The following CENPP variants were observed in gnomAD, a reference collection of about 807,000 sequenced individuals.
CENPP encodes centromere protein P.
A neutral mutation model predicts 35.6 loss-of-function variants in CENPP; 24 were observed. That is an observed-to-expected ratio of 0.67 (90% CI 0.49 to 0.95). The LOEUF (loss-of-function observed/expected upper bound fraction) is 0.95. Ranked by LOEUF, CENPP falls within the 40% of genes least tolerant of loss-of-function variation. The pLI, the probability that CENPP is intolerant of heterozygous loss-of-function variation, is 0.00. For missense variants in CENPP, 332 were observed against 345.3 expected (o/e 0.96, Z 0.31); for synonymous variants, 120 against 125.5 (o/e 0.96, Z 0.29).
At chr9:92,346,571 A>T (rs1307001928) in intron 4 of CENPP, among the ~76,000 whole-genome samples, 3 of 152,206 alleles carry the variant, frequency 2.0e-5, no homozygotes, top group African/African-American at 7.2e-5. Context: ...TCCCAGGACC[A>T]AGTGAAACTA....
At chr9:92,565,329 A>G in intron 5 of CENPP, among the ~76,000 whole-genome samples, 1 of 149,168 alleles carries the variant, frequency 6.7e-6, no homozygotes, top group Non-Finnish European at 1.5e-5. Context: ...AAAAATCATA[A>G]TGTTTTAAGA....
At chr9:92,328,889 A>G (rs1425602068) in intron 1 of CENPP, among the ~76,000 whole-genome samples, 1 of 152,224 alleles carries the variant, frequency 6.6e-6, no homozygotes, top group Non-Finnish European at 1.5e-5. Flanking sequence ...ACCATTTTTG[A>G]GCGTTCAGCT....
At chr9:92,589,278 G>A (rs1309683862) in intron 5 of CENPP, among the ~76,000 whole-genome samples, 7 of 151,926 alleles carry the variant, frequency 4.6e-5, no homozygotes, top group Admixed American at 3.9e-4. Context: ...CCCCAGAGGC[G>A]GAGGTTGCAG....
In CENPP at chr9:92,415,953, G is replaced by A. The variant is rs546521033; in HGVS notation, c.564+36094G>A. On this transcript the variant is annotated intron_variant, in intron 5 of 7. Coordinates refer to ENST00000375587, the MANE Select transcript of CENPP (RefSeq NM_001012267.3). ...GAGAAAGTGAGTAAACTCAGAATAC[G>A]CTCTGTATAAATTGTCAGTTATATA... Among the ~76,000 whole-genome samples, 16 of 140,476 alleles carry A rather than the reference G, an allele frequency of 1.1e-4. No homozygotes were observed. In the South Asian group the frequency reaches 2.2e-3, roughly 19 times the overall value. 92.2% of individuals were successfully genotyped at this position (140,476 alleles called of 152,430 possible).
At position 92,417,540 on chromosome 9, in the gene CENPP, T is replaced by C. The variant is rs770074070; in HGVS notation, c.564+37681T>C. 6.3e-7 allele frequency: 1 copy of C among 1,576,758 alleles called. No homozygotes were observed. ...CCAAAAAAGAAGAAAATAACATATA[T>C]TGGACTTAAAAAACCCATCTTCTTT... is the stretch of plus-strand genomic sequence containing the variant. On this transcript the variant is annotated intron_variant, in intron 5 of 7. Coordinates refer to ENST00000375587, the MANE Select transcript of CENPP (RefSeq NM_001012267.3).
At chr9:92,581,422 T>G (rs1398873455) in intron 5 of CENPP, among the ~76,000 whole-genome samples, 3 of 152,102 alleles carry the variant, frequency 2.0e-5, no homozygotes, top group Non-Finnish European at 4.4e-5. Flanking sequence ...TAAATATAAT[T>G]TAATGGAACT....
At chr9:92,381,915 G>A (rs62567364) in intron 5 of CENPP, among the ~76,000 whole-genome samples, 30 of 125,902 alleles carry the variant, frequency 2.4e-4, no homozygotes, top group Admixed American at 4.7e-4. Context: ...TTTTTTTTTG[G>A]CTATAGCCAA....
At chr9:92,502,567 C>G in intron 5 of CENPP, 2 of 1,612,292 alleles carry the variant, frequency 1.2e-6, no homozygotes, top group Non-Finnish European at 8.5e-7. Flanking sequence ...TTTGTTATAA[C>G]GTAGTACAAT....
intron 5 of CENPP, among the ~76,000 whole-genome samples, chr9:92,516,145 C>A (rs1847704329): frequency 6.6e-6 from 1 of 151,652 alleles, no homozygotes; most frequent in African/African-American, 2.4e-5. Flanking sequence ...CTCACTGCAC[C>A]CTCCGCCTCC....
intron 5 of CENPP, chr9:92,414,184 A>C (rs1843521219): frequency 5.7e-6 from 1 of 175,784 alleles, no homozygotes; most frequent in Admixed American, 6.4e-5. Context: ...CCTGTCATTC[A>C]AATTATAAAG....
rs1264808970 is a variant in CENPP at position 92,337,547 on chromosome 9, G to A, written c.296G>A (p.Arg99Lys). 1 of 1,587,570 alleles carries A rather than the reference G, an allele frequency of 6.3e-7. No individual in the cohort carries two copies. The highest frequency in any genetic ancestry group is 8.6e-7 in the Non-Finnish European group (1 of 1,156,638). Residue 99 changes from arginine to lysine, a missense_variant, in exon 3 of 8, where the codon AGA becomes AAA. Coordinates refer to ENST00000375587, the MANE Select transcript of CENPP (RefSeq NM_001012267.3). ...TSTEMTEKSI[R>K]KVLQRHRLSG... The stretch of plus-strand genomic sequence containing the variant: ...TTGTTTTTCTGCTTTACAGGTATTA[G>A]AAAAGTTCTACAGAGACACAGATTA...
At chr9:92,546,781 C>T (rs1358961883) in intron 5 of CENPP, among the ~76,000 whole-genome samples, 1 of 152,120 alleles carries the variant, frequency 6.6e-6, no homozygotes, top group East Asian at 1.9e-4. Flanking sequence ...ATTTAGATTA[C>T]ATGAATAATT....
chr9:92,458,699 G>A (rs1844976284), intron 5 of CENPP, among the ~76,000 whole-genome samples: 1 of 152,148 alleles, frequency 6.6e-6, no homozygotes, highest in Non-Finnish European at 1.5e-5. Flanking sequence ...CAGAGTTGTG[G>A]AGCAAATTAA....
intron 5 of CENPP, among the ~76,000 whole-genome samples, chr9:92,609,701 T>C (rs1049733098): frequency 6.6e-6 from 1 of 152,268 alleles, no homozygotes; most frequent in Non-Finnish European, 1.5e-5. Context: ...CTGCAATCTG[T>C]TCTCACAAGA....
chr9:92,325,860 C>G (rs998430382), upstream of CENPP: 3 of 632,698 alleles, frequency 4.7e-6, no homozygotes, highest in South Asian at 1.9e-5. Flanking sequence ...TGGGGTCACG[C>G]GGAGCTCTCC....
chr9:92,566,272 C>T (rs1849964517), intron 5 of CENPP, among the ~76,000 whole-genome samples: 1 of 150,104 alleles, frequency 6.7e-6, no homozygotes. Context: ...TGCACTCCAG[C>T]GTGGGCGACA....
chr9:92,422,807 A>G (rs1024675952), intron 5 of CENPP, among the ~76,000 whole-genome samples: 1 of 152,178 alleles, frequency 6.6e-6, no homozygotes, highest in Non-Finnish European at 1.5e-5. Flanking sequence ...ATTTTATCCA[A>G]ATTTTTCATT....
At chr9:92,458,542 C>G (rs1438818382) in intron 5 of CENPP, among the ~76,000 whole-genome samples, 1 of 152,160 alleles carries the variant, frequency 6.6e-6, no homozygotes, top group South Asian at 2.1e-4. Context: ...GAATGAAAAC[C>G]TGCTGGACAT....
chr9:92,555,259 C>T (rs1200092751), intron 5 of CENPP, among the ~76,000 whole-genome samples: 2 of 99,902 alleles, frequency 2.0e-5, no homozygotes, highest in Non-Finnish European at 3.7e-5. Context: ...TGGAGTTTCG[C>T]TCTTGTTGTC....
Sources: allele counts gnomAD v4.1 joint callset (sites outside exome capture counted in the v4.1 genomes callset), GRCh38; gene constraint gnomAD v4.1.1; transcripts MANE v1.5; gene names NCBI Gene and HGNC (gene_info 2026-07-23, HGNC 2026-07-21).